Variants in FSTL5 observed in about 807,000 individuals in gnomAD.
The protein encoded by FSTL5 is follistatin-related protein 5.
In FSTL5, 62 loss-of-function variants were observed where a neutral mutation model predicts 89.1. That is an observed-to-expected ratio of 0.70 (90% CI 0.57 to 0.86). FSTL5 has a LOEUF of 0.86. Among genes scored for constraint, FSTL5 ranks in the 40% least tolerant of loss-of-function variants. FSTL5 has a pLI of 0.00. For missense variants in FSTL5, 1,057 were observed against 1,001.6 expected (o/e 1.06, Z -0.75); for synonymous variants, 383 against 346.2 (o/e 1.11, Z -1.18).
At chr4:161,461,446 G>A (rs969230475) in intron 13 of FSTL5, among the ~76,000 whole-genome samples, 26 of 100,884 alleles carry the variant, frequency 2.6e-4, no homozygotes, top group African/African-American at 9.5e-4. Context: ...GGGTGACAGA[G>A]CAAGACTCCG....
chr4:161,391,858 C>T (rs1730833389), intron 15 of FSTL5, among the ~76,000 whole-genome samples: 2 of 152,122 alleles, frequency 1.3e-5, no homozygotes, highest in African/African-American at 4.8e-5. Context: ...TTTCTGTTTC[C>T]AAAGCATAGG....
At position 161,617,036 on chromosome 4, in the gene FSTL5, G is replaced by T. The variant is rs55820942; in HGVS notation, c.895-29461C>A. ...CTTAACTTTTGATGATTTAGCTATT[G>T]CAATAAGTACCAAAAGACCTTAAAT... On this transcript the variant is annotated intron_variant, in intron 7 of 15. Transcript: ENST00000306100. Among the ~76,000 whole-genome samples the T allele has an allele frequency of 5.8e-3, 881 of 151,514 alleles. 8 individuals carry two copies. The highest frequency in any genetic ancestry group is 0.02 in the African/African-American group (836 of 41,252).
intron 4 of FSTL5, among the ~76,000 whole-genome samples, chr4:161,811,422 A>T (rs898657238): frequency 6.6e-6 from 1 of 152,200 alleles, no homozygotes; most frequent in African/African-American, 2.4e-5. Context: ...AGTGACTTGT[A>T]CCTTGTGACA....
intron 15 of FSTL5, among the ~76,000 whole-genome samples, chr4:161,389,797 C>A (rs1270221820): frequency 2.0e-5 from 3 of 152,098 alleles, no homozygotes; most frequent in African/African-American, 7.2e-5. Context: ...GTCCTTTACA[C>A]CATGAGTAGC....
intron 8 of FSTL5, among the ~76,000 whole-genome samples, chr4:161,580,254 G>C (rs528994198): frequency 2.0e-5 from 3 of 152,130 alleles, no homozygotes; most frequent in Admixed American, 1.3e-4. Flanking sequence ...TGAAGTTAAC[G>C]AATTTTTGTA....
intron 6 of FSTL5, among the ~76,000 whole-genome samples, chr4:161,717,334 CT>C (rs1739021637): frequency 6.6e-6 from 1 of 152,126 alleles, no homozygotes; most frequent in Admixed American, 6.5e-5. Flanking sequence ...AAGGTCATCT[CT>C]TTTTCATTAG....
At chr4:161,868,383 T>C (rs1413507250) in intron 4 of FSTL5, among the ~76,000 whole-genome samples, 1 of 152,150 alleles carries the variant, frequency 6.6e-6, no homozygotes, top group African/African-American at 2.4e-5. Context: ...TCAGCTAACA[T>C]CTCTTGTAGA....
At chr4:161,996,456 C>T (rs1486113927) in intron 3 of FSTL5, among the ~76,000 whole-genome samples, 1 of 152,220 alleles carries the variant, frequency 6.6e-6, no homozygotes, top group Non-Finnish European at 1.5e-5. Context: ...CAAACCTCCC[C>T]CACCACTCAA....
At chr4:161,919,730 A>T (rs1190196305) in intron 4 of FSTL5, among the ~76,000 whole-genome samples, 1 of 152,214 alleles carries the variant, frequency 6.6e-6, no homozygotes, top group East Asian at 1.9e-4. Context: ...GTAAACAACA[A>T]ATAAATGTAT....
At chr4:161,663,648 C>T (rs976687707) in intron 6 of FSTL5, among the ~76,000 whole-genome samples, 5 of 152,110 alleles carry the variant, frequency 3.3e-5, no homozygotes, top group Admixed American at 2.0e-4. Flanking sequence ...TTTCTAGGTG[C>T]ATGTTGCAAG....
At chr4:161,929,701 G>A (rs1734233447) in intron 3 of FSTL5, among the ~76,000 whole-genome samples, 1 of 149,796 alleles carries the variant, frequency 6.7e-6, no homozygotes, top group African/African-American at 2.5e-5. Flanking sequence ...GTGTGTGTGT[G>A]TACATAGTTT....
intron 15 of FSTL5, among the ~76,000 whole-genome samples, chr4:161,445,425 ATT>A (rs571474864): frequency 6.6e-6 from 1 of 151,934 alleles, no homozygotes; most frequent in African/African-American, 2.4e-5. Flanking sequence ...TAAAAAATGA[ATT>A]TTTTAATCTT....
chr4:161,547,282 C>A (rs1732039354), intron 8 of FSTL5, among the ~76,000 whole-genome samples: 1 of 152,018 alleles, frequency 6.6e-6, no homozygotes. Context: ...GATCACCTAG[C>A]TAAGCTGTTC....
chr4:161,798,559 G>T (rs1391651141), intron 4 of FSTL5, among the ~76,000 whole-genome samples: 1 of 151,024 alleles, frequency 6.6e-6, no homozygotes, highest in East Asian at 1.9e-4. Flanking sequence ...CTACATCTGT[G>T]GTTCTCACAT....
intron 2 of FSTL5, among the ~76,000 whole-genome samples, chr4:162,096,106 G>A (rs1730740680): frequency 6.6e-6 from 1 of 151,842 alleles, no homozygotes; most frequent in Non-Finnish European, 1.5e-5. Flanking sequence ...TGATGCTTTT[G>A]TAGTAGTTTT....
At chr4:161,649,797 G>T (rs2126676746) in intron 7 of FSTL5, among the ~76,000 whole-genome samples, 1 of 152,218 alleles carries the variant, frequency 6.6e-6, no homozygotes, top group South Asian at 2.1e-4. Flanking sequence ...ATGGTTGTGG[G>T]ATATCCAGGA....
intron 1 of FSTL5, among the ~76,000 whole-genome samples, chr4:162,147,030 C>T (rs887522528): frequency 6.6e-6 from 1 of 152,034 alleles, no homozygotes; most frequent in South Asian, 2.1e-4. Flanking sequence ...GATCTGCCCC[C>T]CTCGGCCTCC....
At chr4:161,964,271 A>T (rs542089451) in intron 3 of FSTL5, among the ~76,000 whole-genome samples, 194 of 152,164 alleles carry the variant, frequency 1.3e-3, no homozygotes, top group African/African-American at 4.3e-3. Flanking sequence ...CCTCTAGCAG[A>T]AAATGACATC....
chr4:161,933,708 T>A (rs930342776), intron 3 of FSTL5, among the ~76,000 whole-genome samples: 2 of 151,994 alleles, frequency 1.3e-5, no homozygotes, highest in Middle Eastern at 3.4e-3. Flanking sequence ...AAACCTCAAC[T>A]CGTCTATCAT....
Sources: gnomAD v4.1 joint callset for allele counts (sites outside exome capture counted in the v4.1 genomes callset) on GRCh38, gnomAD v4.1.1 for gene constraint, MANE v1.5 for transcripts, NCBI Gene and HGNC (gene_info 2026-07-23, HGNC 2026-07-21) for gene names.